Variants in SLC7A14 observed in about 807,000 individuals in gnomAD.
SLC7A14 encodes solute carrier family 7 member 14.
In SLC7A14, 37 loss-of-function variants were observed where a neutral mutation model predicts 60.2. The observed-to-expected ratio is 0.61, with a 90% CI of 0.47 to 0.81. The LOEUF (loss-of-function observed/expected upper bound fraction) is 0.81. Among genes scored for constraint, SLC7A14 ranks in the 30% least tolerant of loss-of-function variants. The pLI is 0.00. For synonymous variants in SLC7A14, 399 were observed against 395.8 expected (o/e 1.01, Z -0.10); for missense variants, 886 against 982.7 (o/e 0.90, Z 1.32).
chr3:170,460,300 G>A lies in SLC7A14; in HGVS notation c.*6755C>T, dbSNP rs1269291161. On this transcript the variant is annotated 3_prime_UTR_variant, in exon 8 of 8. Coordinates refer to ENST00000231706, the MANE Select transcript of SLC7A14 (RefSeq NM_020949.3). ...AACAGTAACGTTTCTTTTCCACAGT[G>A]AGAAAAGCTAGAATGTGGAGTCCTG... The A allele has an allele frequency of 6.6e-6, 1 of 152,182 alleles. No homozygotes were observed. The highest frequency in any genetic ancestry group is 1.5e-5 in the Non-Finnish European group (1 of 68,040). 9.4% of individuals were successfully genotyped at this position (152,182 alleles called of 1,614,324 possible).
intron 1 of SLC7A14, among the ~76,000 whole-genome samples, chr3:170,530,558 A>G (rs1353702605): frequency 6.6e-6 from 1 of 152,198 alleles, no homozygotes; most frequent in Non-Finnish European, 1.5e-5. Flanking sequence ...CAGGGATGTG[A>G]TTTGGATATT....
chr3:170,501,425 ATACTG>A (rs1712606278), intron 2 of SLC7A14, 80 bp from the exon 3 acceptor site: 10 of 1,150,588 alleles, frequency 8.7e-6, no homozygotes, highest in Non-Finnish European at 1.3e-5. Flanking sequence ...TGGGTGGAAC[ATACTG>A]AGACTTTCTA....
At chr3:170,474,730 T>A (rs1327576923) in intron 7 of SLC7A14, among the ~76,000 whole-genome samples, 3 of 152,198 alleles carry the variant, frequency 2.0e-5, no homozygotes, top group African/African-American at 7.2e-5. Context: ...GTATAGACCA[T>A]GAGGTGTGTC....
chr3:170,472,368 CAA>C (rs5854371), intron 7 of SLC7A14, among the ~76,000 whole-genome samples: 5 of 144,544 alleles, frequency 3.5e-5, no homozygotes, highest in Non-Finnish European at 6.0e-5. Context: ...GACTCCATCT[CAA>C]AAAAAAAAAA....
At chr3:170,527,572 G>GT (rs955750576) in intron 1 of SLC7A14, among the ~76,000 whole-genome samples, 13 of 152,172 alleles carry the variant, frequency 8.5e-5, no homozygotes, top group Admixed American at 5.9e-4. Flanking sequence ...ATATCTACAT[G>GT]TTTTTTAACA....
chr3:170,496,378 G>A lies in SLC7A14; in HGVS notation c.759+2289C>T, dbSNP rs1560257910. ...TCCGAGATGAACCGGAACATCAGCC[G>A]GCTCCAGGCTGAGATTGAGGGCCTC... On this transcript the variant is annotated intron_variant, in intron 4 of 7. Transcript: ENST00000231706. 2.1e-6 allele frequency: 3 copies of A among 1,412,970 alleles called. No individual in the cohort carries two copies. In the South Asian group the frequency reaches 3.5e-5, roughly 16 times the overall value. 87.5% of individuals were successfully genotyped at this position (1,412,970 alleles called of 1,614,324 possible). A position where few individuals can be genotyped will look rare whatever the true frequency, so the allele number is the denominator to read the frequency against.
intron 1 of SLC7A14, among the ~76,000 whole-genome samples, chr3:170,576,721 G>T (rs1402298347): frequency 2.0e-5 from 3 of 152,152 alleles, no homozygotes; most frequent in Non-Finnish European, 2.9e-5. Context: ...GGGGTGGAGT[G>T]CTATTGGCAT....
intron 1 of SLC7A14, among the ~76,000 whole-genome samples, chr3:170,560,762 C>G (rs1293994152): frequency 6.6e-6 from 1 of 152,162 alleles, no homozygotes; most frequent in Non-Finnish European, 1.5e-5. Flanking sequence ...CATAGTTGGA[C>G]AGTGTTTTTC....
intron 1 of SLC7A14, among the ~76,000 whole-genome samples, chr3:170,540,115 G>A (rs1713976110): frequency 6.6e-6 from 1 of 152,194 alleles, no homozygotes; most frequent in Admixed American, 6.5e-5. Flanking sequence ...CATGTCCTGG[G>A]TGGGACAGAG....
chr3:170,475,381 T>C (rs974259401), intron 7 of SLC7A14, among the ~76,000 whole-genome samples: 27 of 152,212 alleles, frequency 1.8e-4, no homozygotes, highest in African/African-American at 6.5e-4. Context: ...AAAATATCTC[T>C]ACTGTTTTCC....
Position 170,481,038 on chromosome 3 carries a change from G to A in SLC7A14, c.1244C>T (p.Thr415Met), listed in dbSNP as rs200090294. Residue 415 changes from threonine to methionine, a missense_variant, in exon 7 of 8, where the codon ACG (threonine) becomes ATG (methionine). Coordinates refer to ENST00000231706, the MANE Select transcript of SLC7A14 (RefSeq NM_020949.3). ...RDLIEMMSIG[T>M]LLAYTLVSVC... ...AGAGACCAAGGTGTAGGCCAGGAGC[G>A]TGCCGATAGACATCATCTCTATCAG... The A allele has an allele frequency of 9.4e-5, 151 of 1,614,094 alleles. No homozygotes were observed. Among genetic ancestry groups the A allele is most frequent in the East Asian group, 1.6e-4 (7 of 44,872 alleles).
intron 1 of SLC7A14, among the ~76,000 whole-genome samples, chr3:170,554,165 T>C (rs1257326167): frequency 1.3e-5 from 2 of 152,110 alleles, no homozygotes; most frequent in East Asian, 3.9e-4. Context: ...ATGAAAACAA[T>C]AAATGTTGAG....
At chr3:170,578,757 CA>C (rs1379807594) in intron 1 of SLC7A14, among the ~76,000 whole-genome samples, 1 of 152,096 alleles carries the variant, frequency 6.6e-6, no homozygotes, top group Non-Finnish European at 1.5e-5. Flanking sequence ...CTTAAGGAGG[CA>C]AATAATGGAT....
chr3:170,583,135 G>C lies in SLC7A14; in HGVS notation c.-153+2776C>G, dbSNP rs543818710. Reference sequence around the variant, plus strand: ...CTATGAGAACATGGGCAGTTGCTTAGGGTAACCAATTTTGGGAAAATTATT... The same window carrying C: ...CTATGAGAACATGGGCAGTTGCTTACGGTAACCAATTTTGGGAAAATTATT... On this transcript the variant is annotated intron_variant, in intron 1 of 7. Coordinates refer to ENST00000231706, the MANE Select transcript of SLC7A14 (RefSeq NM_020949.3). Among the ~76,000 whole-genome samples, 3 of 152,298 alleles carry C rather than the reference G, an allele frequency of 2.0e-5. 1 individual carries two copies. The highest frequency in any genetic ancestry group is 2.0e-4 in the Admixed American group (3 of 15,298).
chr3:170,520,737 C>T lies in SLC7A14; in HGVS notation c.304+5896G>A, dbSNP rs1370700825. Reference sequence around the variant, plus strand: ...GTATGAACTTAGGAGTGATTCAGACCTATATTCTGTTTGAGGAACAATTTT... The same window carrying T: ...GTATGAACTTAGGAGTGATTCAGACTTATATTCTGTTTGAGGAACAATTTT... On this transcript the variant is annotated intron_variant, in intron 2 of 7. Coordinates refer to ENST00000231706, the MANE Select transcript of SLC7A14 (RefSeq NM_020949.3). 2.6e-5 allele frequency among the ~76,000 whole-genome samples: 4 copies of T among 152,078 alleles called. No individual in the cohort carries two copies. In the East Asian group the frequency reaches 7.7e-4, roughly 29 times the overall value.
intron 2 of SLC7A14, among the ~76,000 whole-genome samples, chr3:170,521,614 A>G (rs775720258): frequency 7.5e-4 from 114 of 152,356 alleles, no homozygotes; most frequent in Non-Finnish European, 1.3e-3. Flanking sequence ...ATAAGAAAAT[A>G]AAGAACCTAA....
intron 1 of SLC7A14, among the ~76,000 whole-genome samples, chr3:170,541,525 G>A (rs1714015399): frequency 6.6e-6 from 1 of 152,200 alleles, no homozygotes; most frequent in African/African-American, 2.4e-5. Context: ...GAGCCCAGGA[G>A]TTTGAGGCTG....
At chr3:170,549,607 G>A (rs184081104) in intron 1 of SLC7A14, among the ~76,000 whole-genome samples, 3 of 152,098 alleles carry the variant, frequency 2.0e-5, no homozygotes, top group East Asian at 3.9e-4. Context: ...TTTAAATATC[G>A]CCAGTGTGAC....
At chr3:170,484,499 G>A (rs1296824586) in intron 5 of SLC7A14, among the ~76,000 whole-genome samples, 2 of 152,214 alleles carry the variant, frequency 1.3e-5, no homozygotes, top group African/African-American at 4.8e-5. Context: ...AGGCAATGGA[G>A]CCACCAGTCA....
Sources: allele counts gnomAD v4.1 joint callset (sites outside exome capture counted in the v4.1 genomes callset), GRCh38; gene constraint gnomAD v4.1.1; transcripts MANE v1.5; gene names NCBI Gene and HGNC (gene_info 2026-07-23, HGNC 2026-07-21).